MACF1: variants seen among roughly 807,000 people sequenced by gnomAD.
MACF1 encodes the protein microtubule-actin cross-linking factor 1.
MACF1 carries 193 observed loss-of-function variants against 854.8 expected under a neutral mutation model. The ratio of observed to expected loss-of-function variants is 0.23; its 90% CI spans 0.20 to 0.25. The LOEUF (loss-of-function observed/expected upper bound fraction) is 0.25, where lower values mean the gene tolerates loss of function less well. Ranked by LOEUF, MACF1 falls within the 10% of genes least tolerant of loss-of-function variation. The pLI is 1.00. For missense variants in MACF1, 7,722 were observed against 8,929.1 expected, an observed-to-expected ratio of 0.86 and a Z score of 5.45; for synonymous variants, 3,185 against 3,226.7, an observed-to-expected ratio of 0.99 and a Z score of 0.44.
At chr1:39,130,145 G>A (rs1014738171) in intron 2 of MACF1, among the ~76,000 whole-genome samples, 1 of 152,128 alleles carries the variant, frequency 6.6e-6, no homozygotes, top group African/African-American at 2.4e-5. Context: ...ATCCCTTTCA[G>A]AGTTTATTTT....
At chr1:39,403,008 G>C (rs921905311) in intron 58 of MACF1, among the ~76,000 whole-genome samples, 2 of 151,350 alleles carry the variant, frequency 1.3e-5, no homozygotes, top group African/African-American at 4.9e-5. Flanking sequence ...TGTTCTATGG[G>C]GAAAGGCTTC....
intron 3 of MACF1, 124 bp from the exon 4 acceptor site, chr1:39,251,722 G>T: frequency 2.2e-6 from 1 of 460,874 alleles, no homozygotes; most frequent in Non-Finnish European, 3.6e-6. Flanking sequence ...CTTTTTCGGA[G>T]GTGGGAGGGT....
At chr1:39,131,198 C>T (rs1390151962) in intron 2 of MACF1, among the ~76,000 whole-genome samples, 22 of 78,890 alleles carry the variant, frequency 2.8e-4, no homozygotes, top group Admixed American at 4.1e-4. Context: ...GAGTCTTGTT[C>T]TTTCACCCAG....
chr1:39,189,887 T>A (rs1214807696), intron 2 of MACF1, among the ~76,000 whole-genome samples: 1 of 152,218 alleles, frequency 6.6e-6, no homozygotes, highest in African/African-American at 2.4e-5. Flanking sequence ...GTAATTTTTT[T>A]TGTTATTGAT....
chr1:39,459,457 C>A (rs1242762902), intron 91 of MACF1, among the ~76,000 whole-genome samples: 1 of 152,138 alleles, frequency 6.6e-6, no homozygotes, highest in Admixed American at 6.5e-5. Context: ...ACAGAGTAGG[C>A]TAAAGCTTCT....
chr1:39,235,495 C>G (rs556749987), intron 2 of MACF1, among the ~76,000 whole-genome samples: 2 of 152,310 alleles, frequency 1.3e-5, no homozygotes, highest in East Asian at 3.9e-4. Context: ...GCCAGTTGTT[C>G]AAGTTAGGAA....
intron 44 of MACF1, among the ~76,000 whole-genome samples, chr1:39,356,432 G>T (rs1647576340): frequency 6.6e-6 from 1 of 151,904 alleles, no homozygotes; most frequent in East Asian, 1.9e-4. Context: ...GAGTGCAGTG[G>T]CAGGGTCTTG....
At chr1:39,120,391 G>GT in intron 2 of MACF1, among the ~76,000 whole-genome samples, 1 of 152,068 alleles carries the variant, frequency 6.6e-6, no homozygotes, top group African/African-American at 2.4e-5. Context: ...GAGTGAGACT[G>GT]AGTCTCACTC....
intron 97 of MACF1, 65 bp from the exon 98 acceptor site, chr1:39,479,733 T>C: frequency 2.1e-6 from 3 of 1,445,478 alleles, no homozygotes; most frequent in Non-Finnish European, 2.9e-6. Context: ...CAAGCCGCTG[T>C]ATAACCGTCA....
intron 2 of MACF1, among the ~76,000 whole-genome samples, chr1:39,176,504 TC>T (rs984580426): frequency 5.3e-5 from 8 of 152,178 alleles, no homozygotes; most frequent in African/African-American, 1.9e-4. Flanking sequence ...TCCTTTTAGG[TC>T]CTCTAACTTT....
chr1:39,405,420 A>C (rs1642659403), intron 58 of MACF1, among the ~76,000 whole-genome samples: 1 of 152,216 alleles, frequency 6.6e-6, no homozygotes, highest in African/African-American at 2.4e-5. Context: ...TCCAAGAGAG[A>C]GCACCCATCA....
chr1:39,436,164 T>C (rs752584758), intron 70 of MACF1, among the ~76,000 whole-genome samples: 2 of 152,186 alleles, frequency 1.3e-5, no homozygotes, highest in Non-Finnish European at 1.5e-5. Context: ...AGCTAACTCA[T>C]AGTTTAAGAT....
chr1:39,414,167 C>G (rs770554142), intron 58 of MACF1: 9 of 1,612,184 alleles, frequency 5.6e-6, no homozygotes, highest in Non-Finnish European at 6.8e-6. Flanking sequence ...GCAGCAGTGC[C>G]CACCCCAGAG....
intron 36 of MACF1, among the ~76,000 whole-genome samples, chr1:39,329,908 C>T (rs1169935674): frequency 1.3e-5 from 2 of 152,194 alleles, no homozygotes; most frequent in African/African-American, 4.8e-5. Context: ...TTGTCTTTTA[C>T]AGTTTTCTGG....
intron 1 of MACF1, among the ~76,000 whole-genome samples, chr1:39,229,467 CTG>C (rs1644754437): frequency 6.6e-6 from 1 of 152,128 alleles, no homozygotes; most frequent in Non-Finnish European, 1.5e-5. Context: ...AAGAAAATAA[CTG>C]GGCTTGGGGA....
At chr1:39,124,022 G>A (rs1278935738) in intron 2 of MACF1, among the ~76,000 whole-genome samples, 1 of 151,238 alleles carries the variant, frequency 6.6e-6, no homozygotes, top group African/African-American at 2.4e-5. Context: ...TTACAGGCGT[G>A]AGCTACTGCA....
intron 70 of MACF1, 50 bp downstream of exon 70, chr1:39,435,811 C>A: frequency 2.0e-6 from 3 of 1,536,148 alleles, no homozygotes; most frequent in Non-Finnish European, 2.7e-6. Flanking sequence ...CTGTTCTAAA[C>A]AAGAGGTCTC....
intron 6 of MACF1, among the ~76,000 whole-genome samples, chr1:39,265,926 G>A (rs1645226197): frequency 6.6e-6 from 1 of 152,144 alleles, no homozygotes; most frequent in Admixed American, 6.5e-5. Context: ...TAAGTAGGTG[G>A]TAGTATGCAC....
At chr1:39,468,849 C>G in intron 96 of MACF1, 117 bp downstream of exon 96, 1 of 913,254 alleles carries the variant, frequency 1.1e-6, no homozygotes, top group Non-Finnish European at 1.7e-6. Flanking sequence ...GTTAAGCTGC[C>G]CAGGTGTCAT....
Sources: allele counts gnomAD v4.1 joint callset (sites outside exome capture counted in the v4.1 genomes callset), GRCh38; gene constraint gnomAD v4.1.1; transcripts MANE v1.5; gene names NCBI Gene and HGNC (gene_info 2026-07-23, HGNC 2026-07-21).